Variants in LAIR2 observed in about 807,000 individuals in gnomAD.
The protein encoded by LAIR2 is leukocyte-associated immunoglobulin-like receptor 2.
LAIR2 carries 14 observed loss-of-function variants against 14.8 expected under a neutral mutation model. The observed-to-expected ratio is 0.95, with a 90% CI of 0.62 to 1.48. The LOEUF is 1.48. LAIR2 is among the 40% of genes most tolerant of loss of function. The pLI is 0.00. For missense variants in LAIR2, 172 were observed against 180.9 expected, an observed-to-expected ratio of 0.95 and a Z score of 0.28; for synonymous variants, 75 against 74.5, an observed-to-expected ratio of 1.01 and a Z score of -0.03.
chr19:54,507,079 C>T (rs73936578), intron 2 of LAIR2, among the ~76,000 whole-genome samples: 3,711 of 150,750 alleles, frequency 0.025, 132 homozygotes, highest in African/African-American at 0.085. Flanking sequence ...TGAATGAAGA[C>T]GGGACGAGTG....
In LAIR2 at chr19:54,502,932, T is replaced by C. The variant is rs145212621; in HGVS notation, c.14T>C (p.Leu5Pro). Residue 5 changes from leucine to proline, a missense_variant, in exon 1 of 5, where the codon CTC becomes CCC. Physicochemically the swap from Leu to Pro is moderately conservative, Grantham distance 98. Transcript: ENST00000301202. ...GGGACCGGGGCCATGTCTCCACACCTCACTGCTCTCCTGGGCCTAGGTGAG... is the reference window on the plus strand; with the variant it reads ...GGGACCGGGGCCATGTCTCCACACCCCACTGCTCTCCTGGGCCTAGGTGAG... MSPHLTALLGLVLCL... is the reference protein window; with the variant it reads MSPHPTALLGLVLCL... 181 of 1,613,934 alleles carry C rather than the reference T, an allele frequency of 1.1e-4. No homozygotes were observed. Among genetic ancestry groups the C allele is most frequent in the Middle Eastern group, 5.0e-4 (3 of 6,060 alleles).
At chr19:54,503,807 G>A (rs1357622184) in intron 2 of LAIR2, 72 bp downstream of exon 2, 17 of 1,604,304 alleles carry the variant, frequency 1.1e-5, no homozygotes, top group Non-Finnish European at 1.4e-5. Flanking sequence ...TGGGAGTGAT[G>A]TTGATTCTTA....
intron 2 of LAIR2, among the ~76,000 whole-genome samples, chr19:54,506,505 G>C (rs1487832145): frequency 2.0e-5 from 3 of 152,126 alleles, no homozygotes; most frequent in African/African-American, 7.2e-5. Context: ...TCAGCTCAGA[G>C]AGAGCTTCCC....
In LAIR2 at chr19:54,503,692, T is replaced by C. The variant is rs761766158; in HGVS notation, c.35-8T>C. ...TGGGCATTTTTCTCACTGGGGCTTC[T>C]CTTCCAGTGCTCTGCCTGGCCCAGA... is the stretch of plus-strand genomic sequence containing the variant. On this transcript the variant is annotated splice_polypyrimidine_tract_variant and splice_region_variant and intron_variant, in intron 1 of 4. Coordinates refer to ENST00000301202, the MANE Select transcript of LAIR2 (RefSeq NM_002288.6). 2.5e-6 allele frequency: 4 copies of C among 1,613,976 alleles called. No homozygotes were observed. The highest frequency in any genetic ancestry group is 3.4e-6 in the Non-Finnish European group (4 of 1,179,916).
chr19:54,503,661 G>A, intron 1 of LAIR2, 39 bp from the exon 2 acceptor site: 4 of 1,613,794 alleles, frequency 2.5e-6, no homozygotes, highest in Non-Finnish European at 3.4e-6. Context: ...TAAGGAGACT[G>A]GGCAGTGGGC....
At chr19:54,505,345 C>T (rs559561975) in intron 2 of LAIR2, among the ~76,000 whole-genome samples, 289 of 152,256 alleles carry the variant, frequency 1.9e-3, no homozygotes, top group Non-Finnish European at 2.6e-3. Flanking sequence ...CTCCTGGATG[C>T]ACCATGTCAC....
At chr19:54,510,494 A>G in intron 4 of LAIR2, 32 bp from the exon 5 acceptor site, 1 of 1,579,930 alleles carries the variant, frequency 6.3e-7, no homozygotes, top group Non-Finnish European at 8.7e-7. Flanking sequence ...GGATGCTCCT[A>G]TTAATACTGA....
chr19:54,504,470 G>T (rs1474963933), intron 2 of LAIR2, among the ~76,000 whole-genome samples: 1 of 151,852 alleles, frequency 6.6e-6, no homozygotes, highest in Non-Finnish European at 1.5e-5. Context: ...TAGTCAGCCT[G>T]CTATGCAATA....
chr19:54,504,942 T>C (rs2085338407), intron 2 of LAIR2, among the ~76,000 whole-genome samples: 1 of 152,202 alleles, frequency 6.6e-6, no homozygotes, highest in South Asian at 2.1e-4. Flanking sequence ...ACATGCGGTA[T>C]TTGTCTTTCT....
intron 2 of LAIR2, among the ~76,000 whole-genome samples, chr19:54,506,713 T>C (rs2085370453): frequency 6.6e-6 from 1 of 152,198 alleles, no homozygotes; most frequent in Non-Finnish European, 1.5e-5. Flanking sequence ...AATTAGCAGC[T>C]CATGAAAAGC....
At chr19:54,503,843 T>C (rs2085319217) in intron 2 of LAIR2, 108 bp downstream of exon 2, 6 of 1,398,176 alleles carry the variant, frequency 4.3e-6, no homozygotes, top group Non-Finnish European at 5.1e-6. Flanking sequence ...TCCCTTTAAA[T>C]ATACCCTAGA....
Position 54,507,895 on chromosome 19 carries a change from C to T in LAIR2, c.75C>T (p.Ala25=), listed in dbSNP as rs1214199984. ...CCTTCTTTGCTTCCCTCTTAGGGGC[C>T]CTTCCCAGACCCTCCATCTCGGCTG... ...LAQTIHTQEG[A]LPRPSISAEP... Residue 25 remains alanine (A), a synonymous_variant, in exon 3 of 5, where the codon GCC becomes GCT. Coordinates refer to ENST00000301202, the MANE Select transcript of LAIR2 (RefSeq NM_002288.6). 3.7e-6 allele frequency: 6 copies of T among 1,613,336 alleles called. No individual in the cohort carries two copies. Among genetic ancestry groups the T allele is most frequent in the East Asian group, 2.2e-5 (1 of 44,874 alleles).
In LAIR2 at chr19:54,508,186, T is replaced by A; in HGVS notation, c.364+2T>A. ...ACTTCCTGGAGCTGCTGGTGAAAGGTGAGGACGTCACCTGGGCCCTGCCCC... is the reference window on the plus strand; with the variant it reads ...ACTTCCTGGAGCTGCTGGTGAAAGGAGAGGACGTCACCTGGGCCCTGCCCC... On this transcript the variant is annotated splice_donor_variant, in intron 3 of 4. Coordinates refer to ENST00000301202, the MANE Select transcript of LAIR2 (RefSeq NM_002288.6). LOFTEE classifies it high-confidence loss of function. 1 of 1,609,284 alleles carries A rather than the reference T, an allele frequency of 6.2e-7. No homozygotes were observed. Among genetic ancestry groups the A allele is most frequent in the South Asian group, 1.1e-5 (1 of 90,644 alleles).
chr19:54,505,589 T>A (rs1294068602), intron 2 of LAIR2, among the ~76,000 whole-genome samples: 3 of 152,060 alleles, frequency 2.0e-5, no homozygotes, highest in Admixed American at 2.0e-4. Context: ...CATTCAAAAA[T>A]TTTCATTTAA....
chr19:54,507,406 A>C (rs2085384697), intron 2 of LAIR2, among the ~76,000 whole-genome samples: 1 of 151,876 alleles, frequency 6.6e-6, no homozygotes, highest in South Asian at 2.1e-4. Flanking sequence ...CCCTCAAAGG[A>C]GCCTGGCAAC....
intron 2 of LAIR2, among the ~76,000 whole-genome samples, chr19:54,504,891 T>C (rs1006304610): frequency 1.3e-5 from 2 of 152,210 alleles, no homozygotes; most frequent in African/African-American, 4.8e-5. Flanking sequence ...ATTACAGGTA[T>C]GAGCCACTGC....
chr19:54,505,821 ATTTT>A, intron 2 of LAIR2, among the ~76,000 whole-genome samples: 1 of 134,960 alleles, frequency 7.4e-6, no homozygotes, highest in South Asian at 2.4e-4. Context: ...TCACATGCTG[ATTTT>A]TTTTTTTTTT....
Position 54,507,879 on chromosome 19 carries a change from C to A in LAIR2, c.71-12C>A. On this transcript the variant is annotated splice_polypyrimidine_tract_variant and intron_variant, in intron 2 of 4. Coordinates refer to ENST00000301202, the MANE Select transcript of LAIR2 (RefSeq NM_002288.6). ...CAGTGGACGCTGAGATCCTTCTTTG[C>A]TTCCCTCTTAGGGGCCCTTCCCAGA... 6.2e-7 allele frequency: 1 copy of A among 1,608,930 alleles called. No individual in the cohort carries two copies. The highest frequency in any genetic ancestry group is 8.5e-7 in the Non-Finnish European group (1 of 1,176,786).
Position 54,502,946 on chromosome 19 carries a change from G to A in LAIR2, c.28G>A (p.Gly10Ser), listed in dbSNP as rs1202844355. 3 of 1,613,724 alleles carry A rather than the reference G, an allele frequency of 1.9e-6. No homozygotes were observed. The highest frequency in any genetic ancestry group is 1.1e-5 in the South Asian group (1 of 91,028). ...GTCTCCACACCTCACTGCTCTCCTGGGCCTAGGTGAGTCCTGGAGGGAGCG... is the reference window on the plus strand; with the variant it reads ...GTCTCCACACCTCACTGCTCTCCTGAGCCTAGGTGAGTCCTGGAGGGAGCG... MSPHLTALL[G>S]LVLCLAQTIH... Residue 10 changes from glycine (G) to serine (S), a missense_variant, in exon 1 of 5, where the codon GGC becomes AGC. Coordinates refer to ENST00000301202, the MANE Select transcript of LAIR2 (RefSeq NM_002288.6).
Sources: gnomAD v4.1 joint callset for allele counts (sites outside exome capture counted in the v4.1 genomes callset) on GRCh38, gnomAD v4.1.1 for gene constraint, MANE v1.5 for transcripts, NCBI Gene and HGNC (gene_info 2026-07-23, HGNC 2026-07-21) for gene names.